PIBF1: variants seen among roughly 807,000 people sequenced by gnomAD.
PIBF1 encodes the protein progesterone-induced-blocking factor 1.
PIBF1 carries 90 observed loss-of-function variants against 112.5 expected under a neutral mutation model. That is an observed-to-expected ratio of 0.80 (90% CI 0.67 to 0.95). The LOEUF (loss-of-function observed/expected upper bound fraction) is 0.95, where lower values mean the gene tolerates loss of function less well. Among genes scored for constraint, PIBF1 ranks in the 40% least tolerant of loss-of-function variants. The probability of loss-of-function intolerance (pLI) is 0.00; values close to 1 mark genes in which losing one functional copy is unlikely to be tolerated. For synonymous variants in PIBF1, 301 were observed against 288.6 expected (o/e 1.04, Z -0.44); for missense variants, 915 against 852.3 (o/e 1.07, Z -0.92).
intron 17 of PIBF1, among the ~76,000 whole-genome samples, chr13:73,004,994 G>A (rs2043987604): frequency 1.3e-5 from 2 of 152,188 alleles, no homozygotes; most frequent in South Asian, 4.1e-4. Flanking sequence ...AGACCAGCCT[G>A]ACCAACATGG....
At chr13:72,848,879 T>C (rs2038000282) in intron 9 of PIBF1, among the ~76,000 whole-genome samples, 1 of 151,994 alleles carries the variant, frequency 6.6e-6, no homozygotes. Context: ...CATTTGAATG[T>C]TATAATTTAA....
intron 10 of PIBF1, among the ~76,000 whole-genome samples, chr13:72,869,689 G>T (rs1217999011): frequency 6.6e-6 from 1 of 151,748 alleles, no homozygotes; most frequent in Non-Finnish European, 1.5e-5. Flanking sequence ...TATTAGCTCT[G>T]ATCGCCTCTC....
At chr13:72,887,663 C>A (rs1333075532) in intron 10 of PIBF1, among the ~76,000 whole-genome samples, 1 of 151,464 alleles carries the variant, frequency 6.6e-6, no homozygotes, top group East Asian at 1.9e-4. Flanking sequence ...TTTTGAGTTG[C>A]CTTCAGTAAA....
At chr13:73,012,718 G>A (rs2139064224) in intron 17 of PIBF1, among the ~76,000 whole-genome samples, 1 of 151,932 alleles carries the variant, frequency 6.6e-6, no homozygotes, top group Non-Finnish European at 1.5e-5. Flanking sequence ...TCATGCCACT[G>A]CACTGTAGTC....
At chr13:72,865,932 G>A (rs552875843) in intron 10 of PIBF1, among the ~76,000 whole-genome samples, 10 of 152,120 alleles carry the variant, frequency 6.6e-5, no homozygotes, top group Non-Finnish European at 1.3e-4. Flanking sequence ...CCAAAACTTG[G>A]TGGCAAAACA....
intron 17 of PIBF1, among the ~76,000 whole-genome samples, chr13:73,001,582 C>CTTTTTTGTTTTTTT (rs2043868154): frequency 3.4e-5 from 1 of 29,160 alleles, no homozygotes; most frequent in Non-Finnish European, 7.5e-5. Flanking sequence ...AAGAGCTTGA[C>CTTTTTTGTTTTTTT]TTTTTTTTTT....
chr13:72,798,097 T>A, intron 5 of PIBF1, 71 bp downstream of exon 5: 1 of 1,475,078 alleles, frequency 6.8e-7, no homozygotes, highest in Non-Finnish European at 9.0e-7. Context: ...GGATTTGTGA[T>A]AAGGCATATA....
intron 5 of PIBF1, among the ~76,000 whole-genome samples, chr13:72,817,695 C>G (rs538618674): frequency 1.3e-5 from 2 of 152,218 alleles, no homozygotes; most frequent in Non-Finnish European, 2.9e-5. Context: ...ATTGCTGGAG[C>G]TTAGTCTTCC....
At chr13:72,938,465 C>T (rs2041930417) in intron 14 of PIBF1, among the ~76,000 whole-genome samples, 2 of 152,194 alleles carry the variant, frequency 1.3e-5, no homozygotes, top group South Asian at 2.1e-4. Flanking sequence ...AATATTTGGC[C>T]TTTTGTGTCT....
At chr13:72,967,018 C>T (rs1336964181) in intron 15 of PIBF1, among the ~76,000 whole-genome samples, 1 of 151,748 alleles carries the variant, frequency 6.6e-6, no homozygotes, top group Non-Finnish European at 1.5e-5. Context: ...TCACTATAAC[C>T]TCTGCCTCCC....
chr13:72,968,295 C>G (rs372075894), intron 15 of PIBF1, among the ~76,000 whole-genome samples: 9 of 119,092 alleles, frequency 7.6e-5, no homozygotes, highest in South Asian at 2.6e-4. Context: ...TGTTGTTGTT[C>G]TTTTTTTTCT....
At chr13:72,918,896 G>A (rs964973972) in intron 13 of PIBF1, among the ~76,000 whole-genome samples, 2 of 151,182 alleles carry the variant, frequency 1.3e-5, no homozygotes, top group Admixed American at 6.6e-5. Flanking sequence ...TAGCGACAGG[G>A]TTTCACTGTA....
chr13:72,906,028 T>A (rs2040691702), intron 11 of PIBF1, among the ~76,000 whole-genome samples: 1 of 152,146 alleles, frequency 6.6e-6, no homozygotes, highest in Non-Finnish European at 1.5e-5. Context: ...ACTTGATGAA[T>A]GAATGGTTTG....
chr13:72,977,409 C>T (rs1185464359), intron 16 of PIBF1, among the ~76,000 whole-genome samples: 3 of 151,994 alleles, frequency 2.0e-5, no homozygotes, highest in South Asian at 4.1e-4. Context: ...GGTTTCACCA[C>T]GTTGGCTAGA....
At chr13:72,841,815 C>T (rs951661834) in intron 9 of PIBF1, among the ~76,000 whole-genome samples, 6 of 151,864 alleles carry the variant, frequency 4.0e-5, no homozygotes, top group African/African-American at 7.3e-5. Flanking sequence ...TAGGGTGGCC[C>T]GTGAGGTCTA....
In PIBF1 at chr13:72,783,498, A is replaced by G. The variant is rs200658089; in HGVS notation, c.29A>G (p.Lys10Arg). ...TCTCGAAAAATTTCAAAGGAGTCAA[A>G]AAAAGTGAACATCTCTAGTTCTCTG... MSRKISKES[K>R]KVNISSSLES... The change falls in exon 2 of 18, where the codon AAA becomes AGA. Residue 10 changes from lysine (K) to arginine (R), a missense_variant. Transcript: ENST00000326291. The G allele has an allele frequency of 1.6e-5, 26 of 1,605,942 alleles. No homozygotes were observed. Among genetic ancestry groups the G allele is most frequent in the Non-Finnish European group, 1.7e-5 (20 of 1,175,880 alleles).
chr13:72,942,265 T>TAAA lies in PIBF1; in HGVS notation c.1833+11014_1833+11016dup, dbSNP rs35561447. ...CCATATTTCTAAGACTTCAATGATG[T>TAAA]AAAAAAAAAAAAAAAAAACCCACTG... is the stretch of plus-strand genomic sequence containing the variant. On this transcript the variant is annotated intron_variant, in intron 14 of 17. Transcript: ENST00000326291. Among the ~76,000 whole-genome samples the TAAA allele has an allele frequency of 5.1e-3, 693 of 134,750 alleles. 3 individuals are homozygous for TAAA. The highest frequency in any genetic ancestry group is 0.015 in the South Asian group (62 of 4,178). The allele number at this position is 134,750 out of a possible 152,430, so 88.4% of individuals were successfully genotyped here. A position where few individuals can be genotyped will look rare whatever the true frequency, so the allele number is the denominator to read the frequency against.
chr13:72,795,004 A>T (rs1290898402), intron 3 of PIBF1, among the ~76,000 whole-genome samples: 2 of 152,218 alleles, frequency 1.3e-5, no homozygotes, highest in African/African-American at 4.8e-5. Flanking sequence ...TCCTTGAAGT[A>T]TCAGGATAAA....
chr13:72,878,642 G>A (rs1448308327), intron 10 of PIBF1, among the ~76,000 whole-genome samples: 1 of 152,172 alleles, frequency 6.6e-6, no homozygotes, highest in Non-Finnish European at 1.5e-5. Context: ...ATTATAACCT[G>A]TTGATTGGTG....
Sources: allele counts gnomAD v4.1 joint callset (sites outside exome capture counted in the v4.1 genomes callset), GRCh38; gene constraint gnomAD v4.1.1; transcripts MANE v1.5; gene names NCBI Gene and HGNC (gene_info 2026-07-23, HGNC 2026-07-21).